ZFHX4: variants seen among roughly 807,000 people sequenced by gnomAD.
ZFHX4 encodes the protein zinc finger homeobox 4.
ZFHX4 carries 56 observed loss-of-function variants against 267.6 expected under a neutral mutation model. That is an observed-to-expected ratio of 0.21 (90% CI 0.17 to 0.26). The LOEUF (loss-of-function observed/expected upper bound fraction) is 0.26, where lower values mean the gene tolerates loss of function less well. Among genes scored for constraint, ZFHX4 ranks in the 10% least tolerant of loss-of-function variants. The pLI is 1.00. For synonymous variants in ZFHX4, 1,778 were observed against 1,665.6 expected, an observed-to-expected ratio of 1.07 and a Z score of -1.64; for missense variants, 4,332 against 4,420.0, an observed-to-expected ratio of 0.98 and a Z score of 0.56.
intron 10 of ZFHX4, 188 bp downstream of exon 10, chr8:76,856,488 C>G (rs1318158750): frequency 1.6e-5 from 11 of 676,440 alleles, no homozygotes; most frequent in Non-Finnish European, 2.8e-5. Flanking sequence ...GAAACACACA[C>G]AGAAAAATAA....
At chr8:76,808,023 T>A (rs1811286322) in intron 4 of ZFHX4, among the ~76,000 whole-genome samples, 1 of 152,154 alleles carries the variant, frequency 6.6e-6, no homozygotes, top group Non-Finnish European at 1.5e-5. Flanking sequence ...TCCCTTGCAA[T>A]GTTGTTGAAT....
intron 4 of ZFHX4, among the ~76,000 whole-genome samples, chr8:76,792,599 A>C (rs1184094826): frequency 6.6e-6 from 1 of 152,206 alleles, no homozygotes; most frequent in Non-Finnish European, 1.5e-5. Context: ...AAGGTCCAAT[A>C]ATAGATCCTT....
At chr8:76,817,721 C>T (rs763802536) in intron 4 of ZFHX4, among the ~76,000 whole-genome samples, 3 of 152,124 alleles carry the variant, frequency 2.0e-5, no homozygotes, top group African/African-American at 7.2e-5. Context: ...GGCATATAAC[C>T]GTGAAGAACT....
At chr8:76,781,406 G>A (rs1278519207) in intron 4 of ZFHX4, among the ~76,000 whole-genome samples, 2 of 151,924 alleles carry the variant, frequency 1.3e-5, no homozygotes, top group African/African-American at 4.8e-5. Context: ...TTTTTTTAAA[G>A]ACAGTTTTTA....
At chr8:76,742,049 G>T (rs1167459781) in intron 3 of ZFHX4, among the ~76,000 whole-genome samples, 1 of 152,206 alleles carries the variant, frequency 6.6e-6, no homozygotes, top group African/African-American at 2.4e-5. Context: ...TTTGGGCACA[G>T]AGTGCTTCCA....
chr8:76,725,600 A>G (rs1350266315), intron 3 of ZFHX4, among the ~76,000 whole-genome samples: 1 of 152,160 alleles, frequency 6.6e-6, no homozygotes, highest in Non-Finnish European at 1.5e-5. Context: ...TAATAATTTG[A>G]TAGGTTTGAT....
rs138425630 is a variant in ZFHX4 at position 76,850,767 on chromosome 8, A to G, written c.3965-119A>G. On this transcript the variant is annotated intron_variant, in intron 9 of 10. Transcript: ENST00000651372. ...GCCACATAGTAGTTGCTCAGTAAACATTTATTCAAACAATTAATTAAGCAG... is the reference window on the plus strand; with the variant it reads ...GCCACATAGTAGTTGCTCAGTAAACGTTTATTCAAACAATTAATTAAGCAG... The G allele has an allele frequency of 8.8e-4, 1,091 of 1,236,022 alleles. 16 individuals are homozygous for G. In the African/African-American group the frequency reaches 0.014, roughly 16 times the overall value. 76.6% of individuals were successfully genotyped at this position (1,236,022 alleles called of 1,614,324 possible).
At chr8:76,746,699 T>C (rs1809468044) in intron 3 of ZFHX4, among the ~76,000 whole-genome samples, 1 of 152,200 alleles carries the variant, frequency 6.6e-6, no homozygotes, top group African/African-American at 2.4e-5. Context: ...TGCAGTCAAA[T>C]ACCAGAACAT....
chr8:76,842,615 C>A, intron 5 of ZFHX4, 40 bp from the exon 6 acceptor site: 1 of 1,457,096 alleles, frequency 6.9e-7, no homozygotes. Flanking sequence ...AACTTTTGGG[C>A]GGTTTTCAGT....
chr8:76,787,898 A>ATGT (rs903243533), intron 4 of ZFHX4, among the ~76,000 whole-genome samples: 1 of 152,012 alleles, frequency 6.6e-6, no homozygotes. Flanking sequence ...GATGATGATG[A>ATGT]TGTTGATGAT....
chr8:76,681,725 C>T (rs558356380), intron 1 of ZFHX4, 105 bp downstream of exon 1: 10 of 350,426 alleles, frequency 2.9e-5, no homozygotes, highest in African/African-American at 2.1e-4. Flanking sequence ...ATTTCGCTCC[C>T]TCTCTCTCCC....
chr8:76,691,853 CAA>C (rs981047518), intron 1 of ZFHX4, among the ~76,000 whole-genome samples: 2 of 152,070 alleles, frequency 1.3e-5, no homozygotes, highest in African/African-American at 4.8e-5. Context: ...ATGGTTGTTT[CAA>C]AGTCATGATC....
At position 76,705,657 on chromosome 8, in the gene ZFHX4, G is replaced by C. The variant is rs764465054; in HGVS notation, c.1569G>C (p.Ser523=). The C allele has an allele frequency of 6.2e-7, 1 of 1,613,898 alleles. No individual in the cohort carries two copies. Among genetic ancestry groups the C allele is most frequent in the Non-Finnish European group, 8.5e-7 (1 of 1,179,866 alleles). The part of the protein sequence containing the change: ...SVLKFIEKGT[S]SSSATVSDDT... ...TAAAATTTATTGAAAAGGGTACCTC[G>C]TCCTCCTCGGCGACTGTTTCTGATG... is the stretch of plus-strand genomic sequence containing the variant. The change falls in exon 2 of 11, where the codon TCG becomes TCC. Residue 523 remains serine (S), a synonymous_variant. Coordinates refer to ENST00000651372, the MANE Select transcript of ZFHX4 (RefSeq NM_024721.5).
chr8:76,774,374 C>G (rs1027147761), intron 3 of ZFHX4, among the ~76,000 whole-genome samples: 1 of 152,076 alleles, frequency 6.6e-6, no homozygotes, highest in African/African-American at 2.4e-5. Flanking sequence ...TAAAAATAGA[C>G]GTTCTTAAAT....
intron 4 of ZFHX4, among the ~76,000 whole-genome samples, chr8:76,827,637 A>T (rs181472948): frequency 1.2e-4 from 18 of 152,336 alleles, no homozygotes; most frequent in South Asian, 4.1e-4. Context: ...CATTAAGAAG[A>T]TGTATAAGTA....
chr8:76,763,987 T>C (rs2131735467), intron 3 of ZFHX4, among the ~76,000 whole-genome samples: 1 of 152,318 alleles, frequency 6.6e-6, no homozygotes, highest in South Asian at 2.1e-4. Flanking sequence ...ATAATCTTTA[T>C]CATTTATTTT....
intron 1 of ZFHX4, among the ~76,000 whole-genome samples, chr8:76,689,750 C>T (rs1332712600): frequency 6.6e-6 from 1 of 152,010 alleles, no homozygotes; most frequent in African/African-American, 2.4e-5. Flanking sequence ...TCTCTAGTCT[C>T]CCTTTCTTTT....
At chr8:76,692,985 A>G (rs1807862144) in intron 1 of ZFHX4, among the ~76,000 whole-genome samples, 1 of 152,198 alleles carries the variant, frequency 6.6e-6, no homozygotes. Context: ...ATTTTTTAAT[A>G]TTAATCAATA....
At chr8:76,843,385 G>T (rs1185241487) in intron 6 of ZFHX4, among the ~76,000 whole-genome samples, 3 of 152,076 alleles carry the variant, frequency 2.0e-5, no homozygotes, top group Non-Finnish European at 4.4e-5. Context: ...GGGTAATTTT[G>T]ATCTTCTAGA....
Sources: allele counts gnomAD v4.1 joint callset (sites outside exome capture counted in the v4.1 genomes callset), GRCh38; gene constraint gnomAD v4.1.1; transcripts MANE v1.5; gene names NCBI Gene and HGNC (gene_info 2026-07-23, HGNC 2026-07-21).